The following PPM1E variants were observed in gnomAD, a reference collection of about 807,000 sequenced individuals.
PPM1E encodes the protein protein phosphatase 1E.
In PPM1E, 20 loss-of-function variants were observed where a neutral mutation model predicts 65.9. The observed-to-expected ratio is 0.30, with a 90% confidence interval of 0.21 to 0.44. The LOEUF (loss-of-function observed/expected upper bound fraction) is 0.44, where lower values mean the gene tolerates loss of function less well. Among genes scored for constraint, PPM1E ranks in the 20% least tolerant of loss-of-function variants. PPM1E has a pLI of 1.00. For missense variants in PPM1E, 713 were observed against 953.1 expected (o/e 0.75, Z 3.32); for synonymous variants, 352 against 374.9 (o/e 0.94, Z 0.70).
chr17:58,768,992 A>C (rs1050921544), intron 1 of PPM1E, among the ~76,000 whole-genome samples: 1 of 152,130 alleles, frequency 6.6e-6, no homozygotes, highest in African/African-American at 2.4e-5. Flanking sequence ...TAAAAACATA[A>C]TTTAGAATCC....
intron 1 of PPM1E, among the ~76,000 whole-genome samples, chr17:58,792,328 T>C (rs2050164155): frequency 6.6e-6 from 1 of 150,600 alleles, no homozygotes; most frequent in African/African-American, 2.4e-5. Context: ...AACTAATTAT[T>C]ATTACCACAA....
At chr17:58,773,793 C>G (rs1487007679) in intron 1 of PPM1E, among the ~76,000 whole-genome samples, 1 of 152,076 alleles carries the variant, frequency 6.6e-6, no homozygotes, top group Non-Finnish European at 1.5e-5. Flanking sequence ...TGTTAAAATG[C>G]AAATTCCTGT....
intron 1 of PPM1E, among the ~76,000 whole-genome samples, chr17:58,854,331 T>C (rs1229408796): frequency 6.6e-6 from 1 of 152,172 alleles, no homozygotes; most frequent in Non-Finnish European, 1.5e-5. Context: ...TAGGGTTTTC[T>C]ACATATAGGA....
intron 1 of PPM1E, among the ~76,000 whole-genome samples, chr17:58,759,086 C>T (rs1359612853): frequency 2.0e-5 from 3 of 151,874 alleles, no homozygotes; most frequent in Non-Finnish European, 4.4e-5. Context: ...CCTTCCACTC[C>T]CCCACCAAAA....
chr17:58,973,418 A>G (rs1272983420), intron 6 of PPM1E, among the ~76,000 whole-genome samples: 1 of 151,432 alleles, frequency 6.6e-6, no homozygotes, highest in East Asian at 1.9e-4. Flanking sequence ...CTGTCTCAAA[A>G]AAAAAAAAAA....
At chr17:58,966,095 G>A in intron 3 of PPM1E, 1 of 602,028 alleles carries the variant, frequency 1.7e-6, no homozygotes, top group Non-Finnish European at 2.9e-6. Flanking sequence ...CATTCACATG[G>A]TTCAAAATTG....
At chr17:58,793,039 C>T (rs1412972244) in intron 1 of PPM1E, among the ~76,000 whole-genome samples, 6 of 151,756 alleles carry the variant, frequency 4.0e-5, no homozygotes, top group South Asian at 2.1e-4. Flanking sequence ...TGAGCCATTA[C>T]GCCCAGCCGA....
intron 6 of PPM1E, among the ~76,000 whole-genome samples, chr17:58,976,407 T>C (rs2030997003): frequency 6.6e-6 from 1 of 151,754 alleles, no homozygotes; most frequent in Non-Finnish European, 1.5e-5. Context: ...GATGAGGGAG[T>C]TGAAGAATTT....
Position 58,983,152 on chromosome 17 carries a change from G to T in PPM1E, c.*2121G>T, listed in dbSNP as rs987262755. On this transcript the variant is annotated 3_prime_UTR_variant, in exon 7 of 7. Coordinates refer to ENST00000308249, the MANE Select transcript of PPM1E (RefSeq NM_014906.5). ...GACAAACACAGACCCATCTTTAGGG[G>T]TCTGGATTTTGTAGGTCCGACTACA... 2 of 457,156 alleles carry T rather than the reference G, an allele frequency of 4.4e-6. No homozygotes were observed. The highest frequency in any genetic ancestry group is 2.0e-5 in the African/African-American group (1 of 50,142). 28.3% of individuals were successfully genotyped at this position (457,156 alleles called of 1,614,324 possible).
chr17:58,969,715 A>G lies in PPM1E; in HGVS notation c.960A>G (p.Lys320=), dbSNP rs2143702804. 2 of 1,614,144 alleles carry G rather than the reference A, an allele frequency of 1.2e-6. No homozygotes were observed. The highest frequency in any genetic ancestry group is 2.7e-5 in the African/African-American group (2 of 75,054). ...FRVTDERFVQ[K]AARESLRCGT... ...TCACTGATGAGCGGTTTGTGCAGAA[A>G]GCAGCCAGGGAGGTATGCCCCTTTC... is the stretch of plus-strand genomic sequence containing the variant. The change falls in exon 4 of 7, where the codon AAA becomes AAG. Residue 320 remains lysine (K), a synonymous_variant. Coordinates refer to ENST00000308249, the MANE Select transcript of PPM1E (RefSeq NM_014906.5).
At chr17:58,931,892 T>A (rs1369484421) in intron 1 of PPM1E, among the ~76,000 whole-genome samples, 1 of 152,190 alleles carries the variant, frequency 6.6e-6, no homozygotes, top group East Asian at 1.9e-4. Flanking sequence ...TATGTGAGCA[T>A]GCAATCCATA....
At chr17:58,912,552 G>T (rs767100553) in intron 1 of PPM1E, among the ~76,000 whole-genome samples, 16 of 152,174 alleles carry the variant, frequency 1.1e-4, no homozygotes, top group Non-Finnish European at 2.1e-4. Context: ...GTAGGAGATG[G>T]TCAGTGTGAC....
At chr17:58,956,459 C>A (rs66951096) in intron 2 of PPM1E, among the ~76,000 whole-genome samples, 22,863 of 133,660 alleles carry the variant, frequency 0.17, 2,055 homozygotes, top group Non-Finnish European at 0.21. Context: ...AAACAAAAAA[C>A]AAAAAAAAAA....
chr17:58,970,848 G>A (rs758102686), intron 4 of PPM1E, among the ~76,000 whole-genome samples: 1 of 151,964 alleles, frequency 6.6e-6, no homozygotes, highest in Non-Finnish European at 1.5e-5. Context: ...CTGAGTCGAG[G>A]ACAAGGGCCG....
chr17:58,973,198 A>T (rs1450037740), intron 6 of PPM1E, among the ~76,000 whole-genome samples: 1 of 151,300 alleles, frequency 6.6e-6, no homozygotes, highest in East Asian at 2.0e-4. Context: ...CGGGTGTATC[A>T]CGAGGTCAGG....
chr17:58,760,098 C>A (rs1420308666), intron 1 of PPM1E, among the ~76,000 whole-genome samples: 2 of 152,064 alleles, frequency 1.3e-5, no homozygotes, highest in African/African-American at 2.4e-5. Context: ...TCAGGCTATC[C>A]CACTTCTTCT....
chr17:58,756,082 G>T lies in PPM1E; in HGVS notation c.85G>T (p.Gly29Cys). ...LGEFRGPCGGGEPEPEPEPEP... is the reference protein window; with the variant it reads ...LGEFRGPCGGCEPEPEPEPEP... The stretch of plus-strand genomic sequence containing the variant: ...CGAGTTTCGCGGACCGTGCGGCGGC[G>T]GCGAGCCGGAGCCGGAACCCGAACC... The change falls in exon 1 of 7, where the codon GGC becomes TGC. Residue 29 changes from glycine to cysteine, a missense_variant. Transcript: ENST00000308249. 6.2e-7 allele frequency: 1 copy of T among 1,607,092 alleles called. No individual in the cohort carries two copies. Among genetic ancestry groups the T allele is most frequent in the Non-Finnish European group, 8.5e-7 (1 of 1,178,164 alleles).
intron 1 of PPM1E, among the ~76,000 whole-genome samples, chr17:58,932,736 T>C (rs979830882): frequency 2.0e-5 from 3 of 152,042 alleles, no homozygotes; most frequent in African/African-American, 7.3e-5. Flanking sequence ...GTTGGAGCTT[T>C]TGGAAAAAGA....
chr17:58,868,748 ACCTAGGTCCCATAGGGTATGGGT>A (rs1417361819), intron 1 of PPM1E, among the ~76,000 whole-genome samples: 2 of 151,672 alleles, frequency 1.3e-5, no homozygotes, highest in East Asian at 1.9e-4. Context: ...AGGGTATGGG[ACCTAGGTCCCATAGGGTATGGGT>A]ACGTTCAGCA....
Sources: gnomAD v4.1 joint callset for allele counts (sites outside exome capture counted in the v4.1 genomes callset) on GRCh38, gnomAD v4.1.1 for gene constraint, MANE v1.5 for transcripts, NCBI Gene and HGNC (gene_info 2026-07-23, HGNC 2026-07-21) for gene names.